The following KCNJ6 variants were observed in gnomAD, a reference collection of about 807,000 sequenced individuals.
The protein encoded by KCNJ6 is potassium inwardly rectifying channel subfamily J member 6.
A neutral mutation model predicts 34.2 loss-of-function variants in KCNJ6; 9 were observed. The ratio of observed to expected loss-of-function variants is 0.26; its 90% CI spans 0.16 to 0.46. The LOEUF (loss-of-function observed/expected upper bound fraction) is 0.46, where lower values mean the gene tolerates loss of function less well. KCNJ6 is among the 20% of genes least tolerant of loss of function. The pLI, the probability that KCNJ6 is intolerant of heterozygous loss-of-function variation, is 1.00. For missense variants in KCNJ6, 236 were observed against 531.3 expected, an observed-to-expected ratio of 0.44 and a Z score of 5.46; for synonymous variants, 196 against 207.1, an observed-to-expected ratio of 0.95 and a Z score of 0.46.
intron 2 of KCNJ6, among the ~76,000 whole-genome samples, chr21:37,743,762 T>TA (rs548027287): frequency 2.5e-3 from 373 of 150,044 alleles, no homozygotes; most frequent in South Asian, 6.8e-3. Flanking sequence ...TTACAGAAGC[T>TA]AAAAAAACAA....
chr21:37,828,401 C>T (rs574833787), intron 2 of KCNJ6, among the ~76,000 whole-genome samples: 49 of 152,290 alleles, frequency 3.2e-4, no homozygotes, highest in African/African-American at 1.2e-3. Flanking sequence ...GGTGCTTCCC[C>T]GGCCTGCTTC....
chr21:37,627,574 A>G (rs926450527), intron 3 of KCNJ6, among the ~76,000 whole-genome samples: 3 of 152,238 alleles, frequency 2.0e-5, no homozygotes, highest in African/African-American at 7.2e-5. Flanking sequence ...AAGTGGCTAG[A>G]AAATAGGGCT....
chr21:37,770,074 A>G (rs942897884), intron 2 of KCNJ6, among the ~76,000 whole-genome samples: 1 of 152,192 alleles, frequency 6.6e-6, no homozygotes, highest in African/African-American at 2.4e-5. Context: ...ATAAAAACAG[A>G]GACATTTCGG....
At chr21:37,655,753 T>C (rs1366641409) in intron 3 of KCNJ6, among the ~76,000 whole-genome samples, 4 of 152,132 alleles carry the variant, frequency 2.6e-5, no homozygotes. Flanking sequence ...CTCCCATGCA[T>C]GGGGAAGCAT....
intron 2 of KCNJ6, among the ~76,000 whole-genome samples, chr21:37,730,779 G>A (rs569398452): frequency 3.3e-5 from 5 of 152,346 alleles, no homozygotes; most frequent in Admixed American, 6.5e-5. Context: ...ATCAGAGACA[G>A]AGGCCAACGG....
Position 37,614,106 on chromosome 21 carries a change from G to A in KCNJ6, c.*11053C>T, listed in dbSNP as rs2054252503. On this transcript the variant is annotated 3_prime_UTR_variant, in exon 4 of 4. Coordinates refer to ENST00000609713, the MANE Select transcript of KCNJ6 (RefSeq NM_002240.5). ...TCAAGTTTTTAAAAAAGGGGTGGAG[G>A]AAGCTATTTCCGACCAGTGAAATGA... 6.6e-6 allele frequency: 1 copy of A among 152,134 alleles called. No homozygotes were observed. Among genetic ancestry groups the A allele is most frequent in the Admixed American group, 6.6e-5 (1 of 15,264 alleles). The allele number at this position is 152,134 out of a possible 1,614,324, so 9.4% of individuals were successfully genotyped here. A position where few individuals can be genotyped will look rare whatever the true frequency, so the allele number is the denominator to read the frequency against.
intron 3 of KCNJ6, among the ~76,000 whole-genome samples, chr21:37,626,008 A>T (rs2054309119): frequency 6.6e-6 from 1 of 152,218 alleles, no homozygotes; most frequent in Non-Finnish European, 1.5e-5. Flanking sequence ...CACACAGGCC[A>T]TGACTGTGGC....
intron 2 of KCNJ6, among the ~76,000 whole-genome samples, chr21:37,749,508 A>G (rs2054984006): frequency 6.6e-6 from 1 of 152,194 alleles, no homozygotes; most frequent in Non-Finnish European, 1.5e-5. Flanking sequence ...TATTGCACCC[A>G]TACCTGGAGC....
chr21:37,812,049 T>C (rs1470254690), intron 2 of KCNJ6, among the ~76,000 whole-genome samples: 1 of 152,234 alleles, frequency 6.6e-6, no homozygotes, highest in Non-Finnish European at 1.5e-5. Flanking sequence ...AGACATGGAA[T>C]AGCTAAACTA....
chr21:37,702,105 C>T (rs1290784104), intron 3 of KCNJ6, among the ~76,000 whole-genome samples: 14 of 151,662 alleles, frequency 9.2e-5, no homozygotes, highest in South Asian at 2.1e-4. Flanking sequence ...TGGTGGTGGG[C>T]GCCTGTAATC....
chr21:37,678,827 G>A (rs972276733), intron 3 of KCNJ6, among the ~76,000 whole-genome samples: 1 of 152,114 alleles, frequency 6.6e-6, no homozygotes, highest in African/African-American at 2.4e-5. Context: ...AGTCTGAGGG[G>A]GCCAAATCCC....
rs113292904 is a variant in KCNJ6, at chr21:37,815,150, G to A, written c.25+25508C>T. The stretch of plus-strand genomic sequence containing the variant: ...GGGAGGCTGGGGGGAGATGGGGATG[G>A]TTAATAGGTACAAAAAATAATTAGA... On this transcript the variant is annotated intron_variant, in intron 2 of 3. Coordinates refer to ENST00000609713, the MANE Select transcript of KCNJ6 (RefSeq NM_002240.5). 9.7e-3 allele frequency among the ~76,000 whole-genome samples: 1,480 copies of A among 152,076 alleles called. 20 individuals carry two copies. The highest frequency in any genetic ancestry group is 0.033 in the African/African-American group (1,386 of 41,458).
intron 2 of KCNJ6, among the ~76,000 whole-genome samples, chr21:37,782,153 G>A (rs1405743894): frequency 6.6e-6 from 1 of 152,092 alleles, no homozygotes; most frequent in African/African-American, 2.4e-5. Context: ...AGAGAACAGA[G>A]ACAGAAGTCA....
At chr21:37,738,288 T>C (rs2054923503) in intron 2 of KCNJ6, among the ~76,000 whole-genome samples, 1 of 152,232 alleles carries the variant, frequency 6.6e-6, no homozygotes. Context: ...TTGGGTTTCA[T>C]GCACTTGGGA....
rs113091929 is a variant in KCNJ6, at chr21:37,617,016, C to T, written c.*8143G>A. ...CTTTCTTTCTCTTTCTTTTCTCTTT[C>T]TTTCTTTCTTTCTTTCTTTCTTTCT... On this transcript the variant is annotated 3_prime_UTR_variant, in exon 4 of 4. Transcript: ENST00000609713. The T allele has an allele frequency of 1.0e-3, 22 of 21,398 alleles. 1 individual carries two copies. In the Admixed American group the frequency reaches 0.012, roughly 12 times the overall value. 1.3% of individuals were successfully genotyped at this position (21,398 alleles called of 1,614,324 possible).
intron 3 of KCNJ6, among the ~76,000 whole-genome samples, chr21:37,693,291 C>G (rs923476381): frequency 3.0e-4 from 45 of 152,340 alleles, no homozygotes; most frequent in African/African-American, 1.1e-3. Flanking sequence ...GTAAGTTCTG[C>G]CATCTCTTGA....
chr21:37,891,123 G>GCAT (rs2123634526), intron 1 of KCNJ6, among the ~76,000 whole-genome samples: 1 of 152,296 alleles, frequency 6.6e-6, no homozygotes, highest in Non-Finnish European at 1.5e-5. Context: ...AGCAGGGAAG[G>GCAT]CATAGGGGAC....
chr21:37,773,068 G>A (rs2055124935), intron 2 of KCNJ6, among the ~76,000 whole-genome samples: 1 of 152,114 alleles, frequency 6.6e-6, no homozygotes. Context: ...GGGCCTTCAG[G>A]GTGTCTGTAT....
At chr21:37,848,592 G>C (rs933067104) in intron 1 of KCNJ6, among the ~76,000 whole-genome samples, 5 of 152,170 alleles carry the variant, frequency 3.3e-5, no homozygotes, top group Non-Finnish European at 7.3e-5. Context: ...CCAGACCAGG[G>C]AGGGTCCTAA....
Sources: gnomAD v4.1 joint callset for allele counts (sites outside exome capture counted in the v4.1 genomes callset) on GRCh38, gnomAD v4.1.1 for gene constraint, MANE v1.5 for transcripts, NCBI Gene and HGNC (gene_info 2026-07-23, HGNC 2026-07-21) for gene names.